NPAS3: variants seen among roughly 807,000 people sequenced by gnomAD.
NPAS3 encodes the protein neuronal PAS domain protein 3.
In NPAS3, 14 loss-of-function variants were observed where a neutral mutation model predicts 73.1. That is an observed-to-expected ratio of 0.19 (90% confidence interval 0.13 to 0.30). The LOEUF (loss-of-function observed/expected upper bound fraction) is 0.30, where lower values mean the gene tolerates loss of function less well. Ranked by LOEUF, NPAS3 falls within the 10% of genes least tolerant of loss-of-function variation. The probability of loss-of-function intolerance (pLI) is 1.00; values close to 1 mark genes in which losing one functional copy is unlikely to be tolerated. For synonymous variants in NPAS3, 620 were observed against 541.5 expected (o/e 1.14, Z -2.01); for missense variants, 1,096 against 1,250.0 (o/e 0.88, Z 1.86).
At chr14:33,410,112 T>G (rs913674167) in intron 4 of NPAS3, among the ~76,000 whole-genome samples, 1 of 152,166 alleles carries the variant, frequency 6.6e-6, no homozygotes, top group Admixed American at 6.6e-5. Context: ...CCTTTGCTGG[T>G]CCAGTGTCAT....
chr14:33,129,013 T>C (rs986387061), intron 2 of NPAS3, among the ~76,000 whole-genome samples: 3 of 152,196 alleles, frequency 2.0e-5, no homozygotes. Context: ...TTACGAATTT[T>C]CCACAGGATT....
intron 6 of NPAS3, among the ~76,000 whole-genome samples, chr14:33,719,687 C>G (rs892495544): frequency 6.6e-6 from 1 of 152,170 alleles, no homozygotes; most frequent in African/African-American, 2.4e-5. Context: ...CTTTCCTTCT[C>G]TTCAACGAGT....
chr14:33,451,372 C>A (rs1465780199), intron 4 of NPAS3, among the ~76,000 whole-genome samples: 1 of 152,164 alleles, frequency 6.6e-6, no homozygotes, highest in African/African-American at 2.4e-5. Context: ...AGTCATGTGA[C>A]CTTGGCAAAG....
chr14:33,055,844 G>T (rs1427428264), intron 1 of NPAS3, 61 bp from the exon 2 acceptor site: 3 of 754,662 alleles, frequency 4.0e-6, no homozygotes, highest in African/African-American at 1.7e-5. Context: ...TTGTTATCCT[G>T]CATTCCAGTT....
At chr14:33,696,418 T>A (rs1486669417) in intron 6 of NPAS3, among the ~76,000 whole-genome samples, 1 of 152,150 alleles carries the variant, frequency 6.6e-6, no homozygotes, top group Admixed American at 6.5e-5. Flanking sequence ...ATTCACATGG[T>A]TATTGGGCCA....
intron 5 of NPAS3, among the ~76,000 whole-genome samples, chr14:33,591,679 A>T (rs1019864719): frequency 6.6e-6 from 1 of 152,192 alleles, no homozygotes. Context: ...TACCACATTT[A>T]ATTAGGTATG....
intron 4 of NPAS3, among the ~76,000 whole-genome samples, chr14:33,391,586 G>A (rs1198052287): frequency 2.6e-5 from 4 of 152,156 alleles, no homozygotes; most frequent in Admixed American, 6.5e-5. Flanking sequence ...TTGATTAAGA[G>A]GAAGAGAGAA....
At chr14:33,498,132 C>T (rs553709304) in intron 4 of NPAS3, among the ~76,000 whole-genome samples, 1 of 152,242 alleles carries the variant, frequency 6.6e-6, no homozygotes, top group South Asian at 2.1e-4. Flanking sequence ...CAAGTCAAAA[C>T]TGCTATGAGA....
intron 2 of NPAS3, among the ~76,000 whole-genome samples, chr14:33,140,822 A>G (rs111661030): frequency 0.018 from 2,718 of 152,314 alleles, 78 homozygotes; most frequent in African/African-American, 0.062. Context: ...AGAAAGGTCA[A>G]GAAAGCTATC....
intron 3 of NPAS3, among the ~76,000 whole-genome samples, chr14:33,229,809 A>AG (rs910137252): frequency 5.3e-5 from 8 of 152,220 alleles, no homozygotes; most frequent in African/African-American, 1.2e-4. Context: ...AATTCAGGAA[A>AG]GGGGGGTTGC....
chr14:33,292,504 A>G (rs1353064118), intron 3 of NPAS3, among the ~76,000 whole-genome samples: 3 of 152,154 alleles, frequency 2.0e-5, no homozygotes, highest in East Asian at 3.8e-4. Flanking sequence ...TATTTCTACT[A>G]TAGATATACC....
chr14:33,711,969 C>T lies in NPAS3; in HGVS notation c.734-23245C>T, dbSNP rs994592705. On this transcript the variant is annotated intron_variant, in intron 6 of 11. Transcript: ENST00000356141. ...GGCAGAGACTCAGCTAAAGGAAGTG[C>T]CAGGACACTGTGCTGACCCACTTCG... 1.4e-4 allele frequency among the ~76,000 whole-genome samples: 21 copies of T among 152,094 alleles called. 1 individual carries two copies. The highest frequency in any genetic ancestry group is 6.3e-3 in the Middle Eastern group (2 of 316).
At chr14:33,277,927 G>A (rs1000993319) in intron 3 of NPAS3, among the ~76,000 whole-genome samples, 1 of 152,076 alleles carries the variant, frequency 6.6e-6, no homozygotes, top group African/African-American at 2.4e-5. Context: ...AGGTTAAAGT[G>A]GAAGCAGAGA....
upstream of NPAS3, among the ~76,000 whole-genome samples, chr14:32,936,930 C>CTTT (rs35877969): frequency 2.0e-4 from 28 of 139,774 alleles, no homozygotes; most frequent in African/African-American, 6.4e-4. Flanking sequence ...AAGACTAAGG[C>CTTT]TTTTTTTTTT....
At chr14:33,774,375 G>A (rs1241134088) in exon 8 of NPAS3, 14 of 1,613,856 alleles carry the variant, frequency 8.7e-6, no homozygotes, top group East Asian at 2.2e-5. Flanking sequence ...TGAGAGTGTC[G>A]CTGTCCCACG....
intron 6 of NPAS3, among the ~76,000 whole-genome samples, chr14:33,714,804 T>C (rs555256938): frequency 6.6e-6 from 1 of 152,204 alleles, no homozygotes; most frequent in Non-Finnish European, 1.5e-5. Flanking sequence ...TGATGTTTTC[T>C]TTCTTGGTGC....
intron 5 of NPAS3, among the ~76,000 whole-genome samples, chr14:33,610,182 A>G (rs935438081): frequency 4.4e-4 from 67 of 152,224 alleles, no homozygotes; most frequent in African/African-American, 1.4e-3. Context: ...ATATAAATTC[A>G]TTAATAAAAA....
chr14:33,133,228 A>T (rs1054830631), intron 2 of NPAS3, among the ~76,000 whole-genome samples: 1 of 152,162 alleles, frequency 6.6e-6, no homozygotes, highest in Non-Finnish European at 1.5e-5. Flanking sequence ...CAAGAATCAG[A>T]ATCTCTTATG....
At chr14:33,409,223 C>T (rs1225596953) in intron 4 of NPAS3, among the ~76,000 whole-genome samples, 1 of 152,046 alleles carries the variant, frequency 6.6e-6, no homozygotes. Flanking sequence ...CTGGGGGGTT[C>T]TGAGATGGTA....
Sources: gnomAD v4.1 joint callset for allele counts (sites outside exome capture counted in the v4.1 genomes callset) on GRCh38, gnomAD v4.1.1 for gene constraint, MANE v1.5 for transcripts, NCBI Gene and HGNC (gene_info 2026-07-23, HGNC 2026-07-21) for gene names.